The following COPS7A variants were observed in gnomAD, a reference collection of about 807,000 sequenced individuals.
The protein encoded by COPS7A is COP9 signalosome subunit 7A.
Under a neutral mutation model 35.2 loss-of-function variants are expected in COPS7A, and 20 were observed. The ratio of observed to expected loss-of-function variants is 0.57; its 90% CI spans 0.40 to 0.83. The LOEUF (loss-of-function observed/expected upper bound fraction) is 0.83, where lower values mean the gene tolerates loss of function less well. Ranked by LOEUF, COPS7A falls within the 40% of genes least tolerant of loss-of-function variation. The probability of loss-of-function intolerance (pLI) is 0.00; values close to 1 mark genes in which losing one functional copy is unlikely to be tolerated. For synonymous variants in COPS7A, 139 were observed against 141.4 expected (o/e 0.98, Z 0.12); for missense variants, 247 against 347.5 (o/e 0.71, Z 2.30).
In COPS7A at chr12:6,724,779, C is replaced by T. The variant is rs2137743424; in HGVS notation, c.123C>T (p.Tyr41=). 1 of 1,614,170 alleles carries T rather than the reference C, an allele frequency of 6.2e-7. No individual in the cohort carries two copies. The highest frequency in any genetic ancestry group is 1.1e-5 in the South Asian group (1 of 91,084). The change falls in exon 2 of 8, where the codon TAC becomes TAT. Residue 41 remains tyrosine, a synonymous_variant. Transcript: ENST00000543155. ...AGGTGCTGGAGGCCCCTGGTGTCTA[C>T]GTGTTTGGAGAACTGCTGGACATGC... ...IHQVLEAPGV[Y]VFGELLDMPN...
chr12:6,728,346 C>T, intron 4 of COPS7A, 35 bp downstream of exon 4: 3 of 1,580,390 alleles, frequency 1.9e-6, no homozygotes, highest in Non-Finnish European at 2.6e-6. Context: ...CGGTCTAGAG[C>T]ATCCTTTTGT....
At chr12:6,730,052 G>C (rs1882547) in intron 5 of COPS7A, among the ~76,000 whole-genome samples, 103,195 of 151,954 alleles carry the variant, frequency 0.68, 35,150 homozygotes, top group South Asian at 0.86. Flanking sequence ...TTCTGGCTCT[G>C]TTGCTCAGTT....
chr12:6,726,121 T>C (rs1366202289), intron 2 of COPS7A, among the ~76,000 whole-genome samples: 8 of 152,160 alleles, frequency 5.3e-5, no homozygotes, highest in Non-Finnish European at 8.8e-5. Flanking sequence ...GAGACCATCC[T>C]GGCTAACATG....
At chr12:6,727,546 G>T (rs1290511732) in intron 2 of COPS7A, 1 of 402,970 alleles carries the variant, frequency 2.5e-6, no homozygotes, top group African/African-American at 2.1e-5. Context: ...GAGTACTGGA[G>T]ACTGTCTAGA....
chr12:6,727,747 G>T (rs2178691), intron 2 of COPS7A, 179 bp from the exon 3 acceptor site: 530,462 of 699,904 alleles, frequency 0.76, 202,441 homozygotes, highest in South Asian at 0.91. Context: ...CCTGAAGGTG[G>T]AAATGAGCCC....
At position 6,730,097 on chromosome 12, in the gene COPS7A, C is replaced by G. The variant is rs578181921; in HGVS notation, c.531-305C>G. ...GTGGCACCATCTTGACTCACTGCAG[C>G]CTCCAACTTCCAGGGCTCAAGCCAC... On this transcript the variant is annotated intron_variant, in intron 5 of 7. Transcript: ENST00000543155. Among the ~76,000 whole-genome samples, 81 of 152,296 alleles carry G rather than the reference C, an allele frequency of 5.3e-4. No individual in the cohort carries two copies. The South Asian group carries it at 0.016, about 30-fold the overall frequency.
Position 6,730,313 on chromosome 12 carries a change from T to G in COPS7A, c.531-89T>G, listed in dbSNP as rs540745936. ...ATTATGGGGGTGAGCTACTGCGCCC[T>G]GCCTCTAGGGTTCTTTTTGAGTCAG... is the stretch of plus-strand genomic sequence containing the variant. On this transcript the variant is annotated intron_variant, in intron 5 of 7. Coordinates refer to ENST00000543155, the MANE Select transcript of COPS7A (RefSeq NM_001164094.2). 2.9e-4 allele frequency: 370 copies of G among 1,264,966 alleles called. 5 individuals carry two copies. In the South Asian group the frequency reaches 4.4e-3, roughly 15 times the overall value. 78.4% of individuals were successfully genotyped at this position (1,264,966 alleles called of 1,614,324 possible).
rs1020411212 is a variant in COPS7A at position 6,729,808 on chromosome 12, C to T, written c.530+359C>T. On this transcript the variant is annotated intron_variant, in intron 5 of 7. Transcript: ENST00000543155. The surrounding 1 kb of genome is among the most constrained non-coding windows in gnomAD (Gnocchi z 4.2). ...TCCTCTTTTTTATTTTCTTTGTGTC[C>T]CCATCTAACTTCAGGGTTTCTGTAT... 6.6e-6 allele frequency among the ~76,000 whole-genome samples: 1 copy of T among 152,018 alleles called. No homozygotes were observed. Among genetic ancestry groups the T allele is most frequent in the African/African-American group, 2.4e-5 (1 of 41,366 alleles).
At position 6,731,085 on chromosome 12, in the gene COPS7A, G is replaced by A; in HGVS notation, c.*46G>A. 7 of 1,613,954 alleles carry A rather than the reference G, an allele frequency of 4.3e-6. No individual in the cohort carries two copies. The highest frequency in any genetic ancestry group is 5.9e-6 in the Non-Finnish European group (7 of 1,179,940). ...TGGGGATGTGGGGTCCCAGCTGCCT[G>A]CCTGCCTCTTAGGAGTCCTCAGAGA... On this transcript the variant is annotated 3_prime_UTR_variant, in exon 8 of 8. Transcript: ENST00000543155.
intron 4 of COPS7A, 92 bp downstream of exon 4, chr12:6,728,403 C>A: frequency 9.9e-7 from 1 of 1,013,456 alleles, no homozygotes; most frequent in Non-Finnish European, 1.5e-6. Flanking sequence ...TAGACCGTGG[C>A]TGCTTCCTGC....
intron 1 of COPS7A, 187 bp from the exon 2 acceptor site, chr12:6,724,427 G>C (rs531808494): frequency 3.4e-6 from 2 of 581,394 alleles, no homozygotes; most frequent in African/African-American, 1.9e-5. Flanking sequence ...CCAGGGGAGG[G>C]GGTGGGTGTG....
At chr12:6,726,768 AAG>A (rs1941267797) in intron 2 of COPS7A, among the ~76,000 whole-genome samples, 1 of 151,960 alleles carries the variant, frequency 6.6e-6, no homozygotes, top group Non-Finnish European at 1.5e-5. Context: ...CTCAAAGAAA[AAG>A]AAAAAGAAGC....
chr12:6,727,885 G>A (rs1286325305), intron 2 of COPS7A, 41 bp from the exon 3 acceptor site: 8 of 1,600,114 alleles, frequency 5.0e-6, no homozygotes, highest in South Asian at 3.3e-5. Context: ...AGGGTGGAGA[G>A]GGAAGACTTC....
chr12:6,729,089 A>G lies in COPS7A; in HGVS notation c.328-158A>G. 1 of 648,928 alleles carries G rather than the reference A, an allele frequency of 1.5e-6. No individual in the cohort carries two copies. Among genetic ancestry groups the G allele is most frequent in the East Asian group, 2.7e-5 (1 of 36,764 alleles). 40.2% of individuals were successfully genotyped at this position (648,928 alleles called of 1,614,324 possible). On this transcript the variant is annotated intron_variant, in intron 4 of 7. Transcript: ENST00000543155. The surrounding 1 kb of genome is among the most constrained non-coding windows in gnomAD (Gnocchi z 4.2). Reference sequence around the variant, plus strand: ...CTGTTTTTGAAGTGGGAATACTTTTATTTATTTTGCTTTAGAACCAGCCTC... The same window carrying G: ...CTGTTTTTGAAGTGGGAATACTTTTGTTTATTTTGCTTTAGAACCAGCCTC...
Position 6,729,197 on chromosome 12 carries a change from T to G in COPS7A, c.328-50T>G. 6.3e-7 allele frequency: 1 copy of G among 1,597,852 alleles called. No homozygotes were observed. Among genetic ancestry groups the G allele is most frequent in the Non-Finnish European group, 8.6e-7 (1 of 1,165,940 alleles). ...AAGGAGGGAAGATTTTTGGAAGCCC[T>G]TCTCTACTACGGAGCGTCACAAATC... On this transcript the variant is annotated intron_variant, in intron 4 of 7. Transcript: ENST00000543155. The surrounding 1 kb of genome is among the most constrained non-coding windows in gnomAD (Gnocchi z 4.2).
At position 6,730,792 on chromosome 12, in the gene COPS7A, C is replaced by T. The variant is rs769264964; in HGVS notation, c.760C>T (p.Pro254Ser). The change falls in exon 7 of 8, where the codon CCC (proline) becomes TCC (serine). Residue 254 changes from proline (P) to serine (S), a missense_variant. By Grantham distance (74) the Pro-to-Ser change is moderately conservative. Coordinates refer to ENST00000543155, the MANE Select transcript of COPS7A (RefSeq NM_001164094.2). ...EPAPGTNQRQ[P>S]SKKASKGKGL... ...AGCTCCTGGCACCAACCAGCGCCAG[C>T]CCAGCAAGAAAGCCTCAAAGGGCAA... 1.1e-5 allele frequency: 17 copies of T among 1,614,060 alleles called. 1 individual carries two copies. Among genetic ancestry groups the T allele is most frequent in the South Asian group, 7.7e-5 (7 of 91,088 alleles).
At chr12:6,724,956 C>A in intron 2 of COPS7A, 138 bp downstream of exon 2, 1 of 874,010 alleles carries the variant, frequency 1.1e-6, no homozygotes, top group Non-Finnish European at 1.8e-6. Context: ...TGCCAACTTG[C>A]AGAAGTAACC....
chr12:6,730,328 T>C, intron 5 of COPS7A, 74 bp from the exon 6 acceptor site: 6 of 1,469,990 alleles, frequency 4.1e-6, no homozygotes, highest in Non-Finnish European at 5.7e-6. Flanking sequence ...CTAGGGTTCT[T>C]TTTGAGTCAG....
At position 6,724,702 on chromosome 12, in the gene COPS7A, C is replaced by T; in HGVS notation, c.46C>T (p.Leu16=). The T allele has an allele frequency of 6.2e-7, 1 of 1,614,146 alleles. No homozygotes were observed. The highest frequency in any genetic ancestry group is 8.5e-7 in the Non-Finnish European group (1 of 1,180,006). Residue 16 remains leucine (L), a synonymous_variant, in exon 2 of 8, where the codon CTG becomes TTG. Coordinates refer to ENST00000543155, the MANE Select transcript of COPS7A (RefSeq NM_001164094.2). ...GACAGGGCAGAACCAGGAGCAATTT[C>T]TGCTCCTAGCCAAGTCGGCCAAGGG... ...KVTGQNQEQF[L]LLAKSAKGAA...
Sources: gnomAD v4.1 joint callset for allele counts (sites outside exome capture counted in the v4.1 genomes callset) on GRCh38, gnomAD v4.1.1 for gene constraint, Gnocchi (gnomAD v3.1) non-coding constraint, MANE v1.5 for transcripts, NCBI Gene and HGNC (gene_info 2026-07-23, HGNC 2026-07-21) for gene names.